APBB1IP: variants seen among roughly 807,000 people sequenced by gnomAD.
The protein encoded by APBB1IP is amyloid beta A4 precursor protein-binding family B member 1-interacting protein.
APBB1IP carries 27 observed loss-of-function variants against 64.9 expected under a neutral mutation model. That is an observed-to-expected ratio of 0.42 (90% CI 0.31 to 0.57). The LOEUF (loss-of-function observed/expected upper bound fraction) is 0.57. Ranked by LOEUF, APBB1IP falls within the 20% of genes least tolerant of loss-of-function variation. APBB1IP has a pLI of 0.20. For missense variants in APBB1IP, 812 were observed against 845.5 expected (o/e 0.96, Z 0.49); for synonymous variants, 392 against 331.0 (o/e 1.18, Z -2.00).
chr10:26,450,078 T>C (rs1388236389), intron 2 of APBB1IP, among the ~76,000 whole-genome samples: 3 of 151,998 alleles, frequency 2.0e-5, no homozygotes, highest in Non-Finnish European at 2.9e-5. Flanking sequence ...TTATGGAGAA[T>C]GGTTTACAGC....
At chr10:26,474,725 C>T (rs945804976) in intron 2 of APBB1IP, among the ~76,000 whole-genome samples, 1 of 152,212 alleles carries the variant, frequency 6.6e-6, no homozygotes, top group Admixed American at 6.5e-5. Flanking sequence ...CTCCCACTTC[C>T]TCCTTCTCCA....
At chr10:26,506,202 T>C (rs1836173860) in intron 6 of APBB1IP, among the ~76,000 whole-genome samples, 1 of 128,832 alleles carries the variant, frequency 7.8e-6, no homozygotes, top group East Asian at 2.4e-4. Context: ...TCCCAATCCT[T>C]CCCCCACTTT....
chr10:26,474,572 A>C (rs1835754943), intron 2 of APBB1IP, among the ~76,000 whole-genome samples: 1 of 152,252 alleles, frequency 6.6e-6, no homozygotes, highest in Non-Finnish European at 1.5e-5. Context: ...CAATGTACAC[A>C]TACTTCAAAA....
intron 10 of APBB1IP, among the ~76,000 whole-genome samples, chr10:26,540,638 G>T (rs1836685466): frequency 1.3e-5 from 2 of 152,086 alleles, no homozygotes; most frequent in Admixed American, 6.5e-5. Flanking sequence ...GTGCACTAAG[G>T]TGTAAATAGT....
At chr10:26,561,386 T>C (rs1358873420) in intron 13 of APBB1IP, among the ~76,000 whole-genome samples, 30 of 140,436 alleles carry the variant, frequency 2.1e-4, no homozygotes, top group South Asian at 7.0e-4. Context: ...TTTTCTTCTT[T>C]GCTTTTTTTT....
intron 8 of APBB1IP, among the ~76,000 whole-genome samples, chr10:26,518,188 T>C (rs1489119047): frequency 6.6e-6 from 1 of 150,784 alleles, no homozygotes; most frequent in Non-Finnish European, 1.5e-5. Context: ...CTCCACCTCA[T>C]GTGATCTGCC....
chr10:26,512,723 C>A (rs1379241426), intron 7 of APBB1IP, among the ~76,000 whole-genome samples: 5 of 152,078 alleles, frequency 3.3e-5, no homozygotes, highest in Non-Finnish European at 5.9e-5. Context: ...CCTCCTGCCT[C>A]TGCATCCCGA....
intron 6 of APBB1IP, among the ~76,000 whole-genome samples, chr10:26,506,924 G>A (rs1281267667): frequency 1.2e-4 from 19 of 152,204 alleles, no homozygotes; most frequent in Non-Finnish European, 1.2e-4. Flanking sequence ...TGAGCAGGCA[G>A]CCCTGAAGGG....
intron 6 of APBB1IP, among the ~76,000 whole-genome samples, chr10:26,505,197 G>A (rs911366141): frequency 1.3e-5 from 2 of 152,202 alleles, no homozygotes; most frequent in African/African-American, 4.8e-5. Context: ...TTCTCTGAAT[G>A]AAGGTGTTCA....
chr10:26,545,774 CA>C (rs1356262252), intron 11 of APBB1IP, among the ~76,000 whole-genome samples: 4 of 59,146 alleles, frequency 6.8e-5, no homozygotes, highest in Admixed American at 1.8e-4. Flanking sequence ...AAAAAACAAA[CA>C]AACAAACAAA....
chr10:26,546,103 G>T (rs564380700), intron 11 of APBB1IP, among the ~76,000 whole-genome samples: 6 of 152,300 alleles, frequency 3.9e-5, no homozygotes, highest in African/African-American at 1.4e-4. Context: ...CTAGTAACTG[G>T]GTCACTAATA....
intron 2 of APBB1IP, among the ~76,000 whole-genome samples, chr10:26,456,655 CT>C (rs1835528687): frequency 7.0e-6 from 1 of 142,586 alleles, no homozygotes; most frequent in South Asian, 2.3e-4. Context: ...GGGAGGATGG[CT>C]TTTGTCCAGG....
chr10:26,556,850 G>A (rs1836900663), intron 11 of APBB1IP, among the ~76,000 whole-genome samples: 1 of 152,180 alleles, frequency 6.6e-6, no homozygotes, highest in African/African-American at 2.4e-5. Context: ...AATTGCTGAA[G>A]AGACCAATGC....
At chr10:26,462,503 A>G (rs1168144579) in intron 2 of APBB1IP, among the ~76,000 whole-genome samples, 1 of 152,218 alleles carries the variant, frequency 6.6e-6, no homozygotes, top group East Asian at 1.9e-4. Context: ...AGATGATCAT[A>G]TAGTATCTCA....
chr10:26,475,895 G>A (rs535320530), intron 2 of APBB1IP, among the ~76,000 whole-genome samples: 2 of 152,038 alleles, frequency 1.3e-5, no homozygotes, highest in African/African-American at 4.8e-5. Flanking sequence ...TCAAAGGCTG[G>A]TTCTGCTTCT....
intron 7 of APBB1IP, 86 bp downstream of exon 7, chr10:26,511,992 C>G: frequency 7.0e-7 from 1 of 1,422,816 alleles, no homozygotes; most frequent in Non-Finnish European, 9.6e-7. Context: ...CTTTTTTTCT[C>G]TTTAATTTTA....
intron 3 of APBB1IP, among the ~76,000 whole-genome samples, chr10:26,493,331 G>A (rs1835980774): frequency 1.3e-5 from 2 of 152,172 alleles, no homozygotes; most frequent in Admixed American, 1.3e-4. Flanking sequence ...TTTAGCTTAT[G>A]AAGATGACAG....
At position 26,478,449 on chromosome 10, in the gene APBB1IP, G is replaced by A. The variant is rs190202346; in HGVS notation, c.1-13878G>A. Among the ~76,000 whole-genome samples the A allele has an allele frequency of 4.4e-3, 676 of 152,174 alleles. 2 individuals are homozygous for A. Among genetic ancestry groups the A allele is most frequent in the Middle Eastern group, 0.017 (5 of 294 alleles). On this transcript the variant is annotated intron_variant, in intron 2 of 14. Transcript: ENST00000376236. Reference sequence around the variant, plus strand: ...GCCTGTAATCCCAGCACTTTGGGAGGCCAAGGCAGGTGGTTCACTTGAGGT... The same window carrying A: ...GCCTGTAATCCCAGCACTTTGGGAGACCAAGGCAGGTGGTTCACTTGAGGT...
chr10:26,451,306 C>T (rs1835463078), intron 2 of APBB1IP, among the ~76,000 whole-genome samples: 1 of 152,180 alleles, frequency 6.6e-6, no homozygotes, highest in Non-Finnish European at 1.5e-5. Flanking sequence ...CCAGGCTGGT[C>T]TCAAATTCCT....
Sources: allele counts gnomAD v4.1 joint callset (sites outside exome capture counted in the v4.1 genomes callset), GRCh38; gene constraint gnomAD v4.1.1; transcripts MANE v1.5; gene names NCBI Gene and HGNC (gene_info 2026-07-23, HGNC 2026-07-21).